The following ITPR2 variants were observed in gnomAD, a reference collection of about 807,000 sequenced individuals.
ITPR2 encodes inositol 1,4,5-trisphosphate-gated calcium channel ITPR2.
ITPR2 carries 207 observed loss-of-function variants against 317.1 expected under a neutral mutation model. The observed-to-expected ratio is 0.65, with a 90% CI of 0.58 to 0.73. The LOEUF (loss-of-function observed/expected upper bound fraction) is 0.73, where lower values mean the gene tolerates loss of function less well. ITPR2 is among the 30% of genes least tolerant of loss of function. ITPR2 has a pLI of 0.00. For synonymous variants in ITPR2, 1,156 were observed against 1,149.1 expected, an observed-to-expected ratio of 1.01 and a Z score of -0.12; for missense variants, 2,613 against 3,284.0, an observed-to-expected ratio of 0.80 and a Z score of 4.99.
intron 2 of ITPR2, among the ~76,000 whole-genome samples, chr12:26,736,451 G>GA (rs992647529): frequency 5.9e-5 from 9 of 152,066 alleles, no homozygotes; most frequent in Admixed American, 1.3e-4. Context: ...TATAAGGTCA[G>GA]AAAAAAGTCA....
intron 37 of ITPR2, among the ~76,000 whole-genome samples, chr12:26,527,576 T>C (rs1485732471): frequency 6.6e-6 from 1 of 152,220 alleles, no homozygotes; most frequent in Non-Finnish European, 1.5e-5. Flanking sequence ...ACATTAATAG[T>C]TCTCAAACTC....
At chr12:26,731,308 G>A (rs973345630) in intron 2 of ITPR2, among the ~76,000 whole-genome samples, 1 of 152,158 alleles carries the variant, frequency 6.6e-6, no homozygotes, top group Admixed American at 6.5e-5. Context: ...GGAGAAAGGT[G>A]GGGAGGGAAA....
Position 26,784,514 on chromosome 12 carries a change from G to GT in ITPR2, c.163+5642dup, listed in dbSNP as rs1364702355. On this transcript the variant is annotated intron_variant, in intron 2 of 56. Transcript: ENST00000381340. ...CGCCGCCACGCCTGACTGGTTTTCG[G>GT]TTTTTTTTTGGTGGAGACGGGGTTT... Among the ~76,000 whole-genome samples the GT allele has an allele frequency of 2.2e-3, 321 of 148,982 alleles. 3 individuals are homozygous for GT. The highest frequency in any genetic ancestry group is 3.6e-3 in the East Asian group (18 of 5,036).
chr12:26,493,159 T>C (rs901981739), intron 39 of ITPR2, among the ~76,000 whole-genome samples: 2 of 152,190 alleles, frequency 1.3e-5, no homozygotes, highest in Admixed American at 6.5e-5. Flanking sequence ...CACTTTCTTT[T>C]CTCAACTAAG....
chr12:26,769,823 ATAT>A (rs1949808070), intron 2 of ITPR2, among the ~76,000 whole-genome samples: 1 of 152,196 alleles, frequency 6.6e-6, no homozygotes, highest in Non-Finnish European at 1.5e-5. Flanking sequence ...AAAAACAGCT[ATAT>A]TTAATTCATG....
In ITPR2 at chr12:26,490,028, T is replaced by G. The variant is rs190438924; in HGVS notation, c.5371-2777A>C. Among the ~76,000 whole-genome samples, 5 of 152,254 alleles carry G rather than the reference T, an allele frequency of 3.3e-5. No homozygotes were observed. The East Asian group carries it at 9.6e-4, about 29-fold the overall frequency. ...GGTTATACAATGTGAGACATCCGAG[T>G]AGAGGAAGGCTGGTCCTTATTGTCA... is the stretch of plus-strand genomic sequence containing the variant. On this transcript the variant is annotated intron_variant, in intron 39 of 56. Coordinates refer to ENST00000381340, the MANE Select transcript of ITPR2 (RefSeq NM_002223.4).
intron 1 of ITPR2, among the ~76,000 whole-genome samples, chr12:26,810,461 C>G (rs1425030383): frequency 2.0e-5 from 3 of 152,206 alleles, no homozygotes; most frequent in Admixed American, 2.0e-4. Context: ...CAGCACAGCC[C>G]GGCTCAGACA....
At chr12:26,733,155 AAT>A in intron 2 of ITPR2, among the ~76,000 whole-genome samples, 1 of 152,082 alleles carries the variant, frequency 6.6e-6, no homozygotes, top group Non-Finnish European at 1.5e-5. Context: ...CTCTACTAAA[AAT>A]ACAAAAATTA....
intron 37 of ITPR2, 46 bp downstream of exon 37, chr12:26,550,201 G>A: frequency 1.3e-6 from 1 of 787,758 alleles, no homozygotes; most frequent in Admixed American, 2.5e-5. Context: ...CAGTATTGGG[G>A]AAATCCTACT....
intron 22 of ITPR2, among the ~76,000 whole-genome samples, chr12:26,630,140 C>T (rs923690082): frequency 6.6e-6 from 1 of 152,124 alleles, no homozygotes; most frequent in Non-Finnish European, 1.5e-5. Flanking sequence ...AGATGCTTCA[C>T]ATGGAAGGGT....
chr12:26,588,526 AT>A (rs1214377352), intron 32 of ITPR2, among the ~76,000 whole-genome samples: 8 of 152,292 alleles, frequency 5.3e-5, no homozygotes, highest in Non-Finnish European at 1.0e-4. Context: ...CAAGAAAATT[AT>A]TTTTTTAAAT....
intron 37 of ITPR2, among the ~76,000 whole-genome samples, chr12:26,512,330 G>C (rs556255386): frequency 6.6e-6 from 1 of 152,080 alleles, no homozygotes; most frequent in African/African-American, 2.4e-5. Context: ...TCACAGGTGC[G>C]GGACAAAGGA....
intron 45 of ITPR2, among the ~76,000 whole-genome samples, chr12:26,468,053 T>C (rs532645208): frequency 6.6e-6 from 1 of 152,284 alleles, no homozygotes; most frequent in South Asian, 2.1e-4. Flanking sequence ...CAGGATGATA[T>C]ATAGCACAAC....
intron 18 of ITPR2, 110 bp from the exon 19 acceptor site, chr12:26,656,658 T>C (rs1947374723): frequency 8.8e-7 from 1 of 1,133,756 alleles, no homozygotes; most frequent in Non-Finnish European, 1.3e-6. Context: ...CAAGCATTCA[T>C]GATATTGGAG....
intron 36 of ITPR2, 106 bp from the exon 37 acceptor site, chr12:26,550,461 A>G (rs935079174): frequency 1.2e-4 from 76 of 632,350 alleles, no homozygotes; most frequent in Non-Finnish European, 1.8e-4. Flanking sequence ...ATTTGAGAAT[A>G]TGAAGCAAAC....
At chr12:26,824,144 A>G (rs1950978891) in intron 1 of ITPR2, among the ~76,000 whole-genome samples, 1 of 152,202 alleles carries the variant, frequency 6.6e-6, no homozygotes, top group African/African-American at 2.4e-5. Flanking sequence ...CAGAACACTT[A>G]CGTTAGCCTA....
intron 20 of ITPR2, 88 bp from the exon 21 acceptor site, chr12:26,654,214 A>T (rs962520073): frequency 4.7e-6 from 5 of 1,055,256 alleles, no homozygotes; most frequent in Non-Finnish European, 6.8e-6. Flanking sequence ...CTTTTTTATT[A>T]TCTAAATTAG....
At position 26,790,514 on chromosome 12, in the gene ITPR2, G is replaced by A. The variant is rs561547427; in HGVS notation, c.93-287C>T. On this transcript the variant is annotated intron_variant, in intron 1 of 56. Transcript: ENST00000381340. ...TGTTTAAAACTACATTAAACAAAAT[G>A]CACTGGCCTGCAAAATGTTTACAGT... Among the ~76,000 whole-genome samples the A allele has an allele frequency of 1.7e-3, 252 of 151,514 alleles. 1 individual carries two copies. Among genetic ancestry groups the A allele is most frequent in the Non-Finnish European group, 3.0e-3 (203 of 67,808 alleles).
intron 34 of ITPR2, among the ~76,000 whole-genome samples, chr12:26,577,984 A>G (rs557295121): frequency 6.6e-6 from 1 of 152,324 alleles, no homozygotes; most frequent in South Asian, 2.1e-4. Flanking sequence ...TAAGTACCCA[A>G]CAAATGTTAA....
Sources: gnomAD v4.1 joint callset for allele counts (sites outside exome capture counted in the v4.1 genomes callset) on GRCh38, gnomAD v4.1.1 for gene constraint, MANE v1.5 for transcripts, NCBI Gene and HGNC (gene_info 2026-07-23, HGNC 2026-07-21) for gene names.